Variants in RSPH14 observed in about 807,000 individuals in gnomAD.
RSPH14 encodes the protein rhabdoid tumor deletion region gene 1.
RSPH14 carries 20 observed loss-of-function variants against 26.7 expected under a neutral mutation model. The observed-to-expected ratio is 0.75, with a 90% CI of 0.53 to 1.09. RSPH14 has a LOEUF of 1.09. RSPH14 is among the 50% of genes least tolerant of loss of function. The pLI is 0.00. For synonymous variants in RSPH14, 177 were observed against 189.3 expected (o/e 0.93, Z 0.53); for missense variants, 449 against 457.2 (o/e 0.98, Z 0.16).
chr22:23,138,613 T>A (rs2070524207), intron 3 of RSPH14, among the ~76,000 whole-genome samples: 1 of 151,508 alleles, frequency 6.6e-6, no homozygotes, highest in African/African-American at 2.4e-5. Context: ...AGCTTGGAAC[T>A]AACATAAAAT....
chr22:23,091,319 C>T (rs1308001720), intron 4 of RSPH14, among the ~76,000 whole-genome samples: 3 of 152,294 alleles, frequency 2.0e-5, no homozygotes, highest in Non-Finnish European at 4.4e-5. Context: ...TACACGCACA[C>T]ATACCGCAAT....
chr22:23,102,545 G>A (rs2069334631), intron 4 of RSPH14, among the ~76,000 whole-genome samples: 1 of 150,636 alleles, frequency 6.6e-6, no homozygotes, highest in Admixed American at 6.6e-5. Context: ...CTTGGTCAGA[G>A]GTCAGCCACA....
the RSPH14 span, among the ~76,000 whole-genome samples, chr22:23,179,500 T>G: frequency 1.3e-5 from 2 of 152,160 alleles, no homozygotes; most frequent in African/African-American, 2.4e-5. Flanking sequence ...TGAACCTCAG[T>G]GCAGGTTGGC....
chr22:23,090,823 T>A (rs2146300716), intron 4 of RSPH14, among the ~76,000 whole-genome samples: 1 of 152,322 alleles, frequency 6.6e-6, no homozygotes, highest in African/African-American at 2.4e-5. Flanking sequence ...GCTGCTTATT[T>A]ACTGCCTGTA....
At chr22:23,145,190 T>A, upstream of RSPH14, 1 of 628,670 alleles carries the variant, frequency 1.6e-6, no homozygotes, top group African/African-American at 1.8e-5. Context: ...TGCGCGAATC[T>A]CTCCACGGTC....
At chr22:23,067,425 C>A (rs1358560308) in intron 4 of RSPH14, among the ~76,000 whole-genome samples, 1 of 152,192 alleles carries the variant, frequency 6.6e-6, no homozygotes, top group Non-Finnish European at 1.5e-5. Context: ...CGCAGCCACA[C>A]CCTTTCCTGT....
At chr22:23,135,707 C>T (rs745349464) in intron 3 of RSPH14, among the ~76,000 whole-genome samples, 3 of 151,950 alleles carry the variant, frequency 2.0e-5, no homozygotes, top group Non-Finnish European at 4.4e-5. Context: ...AGCCTGGGTC[C>T]CACATGGGGA....
At chr22:23,099,663 G>A (rs989340527) in intron 4 of RSPH14, among the ~76,000 whole-genome samples, 5 of 152,198 alleles carry the variant, frequency 3.3e-5, no homozygotes, top group East Asian at 1.9e-4. Flanking sequence ...GACCCACCAC[G>A]GGCCTCCCAC....
chr22:23,068,875 C>T (rs2068271941), intron 4 of RSPH14, among the ~76,000 whole-genome samples: 1 of 152,230 alleles, frequency 6.6e-6, no homozygotes, highest in African/African-American at 2.4e-5. Flanking sequence ...CAGCCTGACA[C>T]AGCCTGGTGG....
In RSPH14 at chr22:23,116,674, G is replaced by A. The variant is rs145924416; in HGVS notation, c.421+17352C>T. On this transcript the variant is annotated intron_variant, in intron 4 of 6. Transcript: ENST00000216036. ...GGTGTAATGGACTGGAGGTCAGAAC[G>A]TGTGAGGCCCTGGATGAGCCTCTCA... 3.2e-3 allele frequency among the ~76,000 whole-genome samples: 481 copies of A among 152,312 alleles called. 3 individuals are homozygous for A. Among genetic ancestry groups the A allele is most frequent in the African/African-American group, 0.011 (450 of 41,566 alleles).
the RSPH14 span, among the ~76,000 whole-genome samples, chr22:23,157,256 T>G: frequency 2.7e-5 from 1 of 36,726 alleles, no homozygotes; most frequent in African/African-American, 1.1e-4. Context: ...ACTAACAGGT[T>G]TTTTTTTTTT....
intron 4 of RSPH14, among the ~76,000 whole-genome samples, chr22:23,101,763 G>A (rs1009694499): frequency 6.6e-6 from 1 of 152,238 alleles, no homozygotes; most frequent in East Asian, 1.9e-4. Context: ...GCAGGGCCAG[G>A]CTGGCACACT....
intron 4 of RSPH14, among the ~76,000 whole-genome samples, chr22:23,100,464 G>T (rs2069265951): frequency 6.6e-6 from 1 of 152,242 alleles, no homozygotes; most frequent in African/African-American, 2.4e-5. Context: ...GGGGACGGGG[G>T]ACATAAGAAC....
chr22:23,059,800 C>T, intron 6 of RSPH14, 82 bp from the exon 7 acceptor site: 1 of 1,420,112 alleles, frequency 7.0e-7, no homozygotes, highest in Non-Finnish European at 9.3e-7. Context: ...CTCTCCTGAC[C>T]CTCCTCCTTG....
chr22:23,145,314 G>A, upstream of RSPH14: 1 of 1,433,992 alleles, frequency 7.0e-7, no homozygotes, highest in African/African-American at 1.4e-5. Context: ...AGGGTGTCCA[G>A]GAGTCTCTCT....
chr22:23,061,734 C>T, intron 6 of RSPH14, 75 bp downstream of exon 6: 1 of 1,584,566 alleles, frequency 6.3e-7, no homozygotes, highest in Non-Finnish European at 8.6e-7. Flanking sequence ...ATACCCAGCC[C>T]CTGAGTACAG....
At chr22:23,175,066 G>A in the RSPH14 span, among the ~76,000 whole-genome samples, 2 of 145,426 alleles carry the variant, frequency 1.4e-5, no homozygotes, top group African/African-American at 5.1e-5. Flanking sequence ...ACGCAATCTT[G>A]GCTCACTACA....
the RSPH14 span, chr22:23,162,407 C>G: frequency 2.8e-6 from 1 of 351,502 alleles, no homozygotes; most frequent in South Asian, 2.1e-5. Context: ...CTGCCCTCCT[C>G]TGGCACTCAT....
In RSPH14 at chr22:23,106,854, C is replaced by T. The variant is rs566405072; in HGVS notation, c.421+27172G>A. Among the ~76,000 whole-genome samples, 57 of 152,316 alleles carry T rather than the reference C, an allele frequency of 3.7e-4. 1 individual carries two copies. The South Asian group carries it at 0.011, about 30-fold the overall frequency. On this transcript the variant is annotated intron_variant, in intron 4 of 6. Transcript: ENST00000216036. The stretch of plus-strand genomic sequence containing the variant: ...TGGGGGCCTTCTGACCTGGACATCC[C>T]GCTGCTGCCCAGGGGAATGGGCAGG...
Sources: gnomAD v4.1 joint callset for allele counts (sites outside exome capture counted in the v4.1 genomes callset) on GRCh38, gnomAD v4.1.1 for gene constraint, MANE v1.5 for transcripts, NCBI Gene and HGNC (gene_info 2026-07-23, HGNC 2026-07-21) for gene names.